The following WASF3 variants were observed in gnomAD, a reference collection of about 807,000 sequenced individuals.
WASF3 encodes WASP family member 3, also known as actin-binding protein WASF3.
Under a neutral mutation model 46.6 loss-of-function variants are expected in WASF3, and 11 were observed. That is an observed-to-expected ratio of 0.24 (90% CI 0.15 to 0.39). The LOEUF (loss-of-function observed/expected upper bound fraction) is 0.39, where lower values mean the gene tolerates loss of function less well. Among genes scored for constraint, WASF3 ranks in the 10% least tolerant of loss-of-function variants. WASF3 has a pLI of 1.00. For synonymous variants in WASF3, 242 were observed against 259.7 expected (o/e 0.93, Z 0.65); for missense variants, 576 against 669.8 (o/e 0.86, Z 1.55).
In WASF3 at chr13:26,661,338, T is replaced by C. The variant is rs1882624620; in HGVS notation, c.134-3690T>C. 2.0e-5 allele frequency among the ~76,000 whole-genome samples: 3 copies of C among 152,346 alleles called. No homozygotes were observed. In the South Asian group the frequency reaches 6.2e-4, roughly 32 times the overall value. ...TCCTGTCTCTATGAAATGGACTACT[T>C]TACATGCCTCATATAAGTGGAATCG... On this transcript the variant is annotated intron_variant, in intron 3 of 9. Transcript: ENST00000335327.
intron 1 of WASF3, among the ~76,000 whole-genome samples, chr13:26,606,219 CT>C (rs1880791403): frequency 6.6e-6 from 1 of 152,286 alleles, no homozygotes; most frequent in East Asian, 1.9e-4. Flanking sequence ...TTTCTGTAGC[CT>C]CACAGGAGAC....
rs555019551 is a variant in WASF3, at chr13:26,678,184, G to A, written c.716+1460G>A. Among the ~76,000 whole-genome samples the A allele has an allele frequency of 2.0e-5, 3 of 152,010 alleles. 1 individual carries two copies. Among genetic ancestry groups the A allele is most frequent in the South Asian group, 4.2e-4 (2 of 4,812 alleles). The stretch of plus-strand genomic sequence containing the variant: ...TATTTCCCATGGCTTCTTACTATTT[G>A]CATACATTATTTACTATCAGATAAA... On this transcript the variant is annotated intron_variant, in intron 7 of 9. Transcript: ENST00000335327.
chr13:26,609,630 A>G, intron 1 of WASF3: 1 of 151,992 alleles, frequency 6.6e-6, no homozygotes, highest in South Asian at 2.1e-4. Flanking sequence ...TAGTAGTAGT[A>G]GTTTAATACT....
upstream of WASF3, among the ~76,000 whole-genome samples, chr13:26,553,603 G>C (rs1362743304): frequency 1.3e-5 from 2 of 152,056 alleles, no homozygotes. Flanking sequence ...GGATCATGAG[G>C]TCAGGAGATC....
intron 4 of WASF3, among the ~76,000 whole-genome samples, chr13:26,666,067 A>C (rs1299540948): frequency 1.3e-5 from 2 of 152,192 alleles, no homozygotes; most frequent in African/African-American, 4.8e-5. Flanking sequence ...CATTTAAAAA[A>C]TATATGTTAT....
At chr13:26,598,830 C>T (rs1175298702) in intron 1 of WASF3, among the ~76,000 whole-genome samples, 1 of 152,152 alleles carries the variant, frequency 6.6e-6, no homozygotes, top group Non-Finnish European at 1.5e-5. Context: ...CTTTCAGCTC[C>T]TCAGAAGGTA....
In WASF3 at chr13:26,665,140, G is replaced by C; in HGVS notation, c.246G>C (p.Gln82His). ...RIDRLAVKVT[Q>H]LDSTVEEVSL... ...ATCGCCTTGCTGTCAAAGTCACCCA[G>C]CTGGATTCAACAGTGGAAGAGGGTA... is the stretch of plus-strand genomic sequence containing the variant. The change falls in exon 4 of 10, where the codon CAG (glutamine) becomes CAC (histidine). Residue 82 changes from glutamine to histidine, a missense_variant. Physicochemically the swap from Gln to His is conservative, Grantham distance 24. Around this residue, in one of 3 missense-constraint regions of WASF3, gnomAD observed 213 missense variants for 278.0 expected, o/e 0.77. Coordinates refer to ENST00000335327, the MANE Select transcript of WASF3 (RefSeq NM_006646.6). The C allele has an allele frequency of 1.2e-6, 2 of 1,613,990 alleles. No homozygotes were observed. Among genetic ancestry groups the C allele is most frequent in the Non-Finnish European group, 1.7e-6 (2 of 1,179,992 alleles).
chr13:26,618,560 T>G (rs2137236313), intron 2 of WASF3, among the ~76,000 whole-genome samples: 1 of 149,926 alleles, frequency 6.7e-6, no homozygotes, highest in African/African-American at 2.4e-5. Flanking sequence ...CATACTGTAA[T>G]TATGAACTTT....
At chr13:26,574,697 A>G (rs925577874) in intron 1 of WASF3, among the ~76,000 whole-genome samples, 1 of 152,020 alleles carries the variant, frequency 6.6e-6, no homozygotes, top group Admixed American at 6.6e-5. Flanking sequence ...TACTGTCTGT[A>G]TTTTGGTATA....
chr13:26,613,609 A>AC (rs989572525), intron 2 of WASF3, among the ~76,000 whole-genome samples: 5 of 152,130 alleles, frequency 3.3e-5, no homozygotes, highest in African/African-American at 9.7e-5. Flanking sequence ...CTCTACTAAA[A>AC]ACACACAACA....
At chr13:26,606,931 A>C (rs570956849) in intron 1 of WASF3, 1 of 152,304 alleles carries the variant, frequency 6.6e-6, no homozygotes, top group South Asian at 2.1e-4. Flanking sequence ...CACATGAGAG[A>C]GAGACCACAT....
In WASF3 at chr13:26,605,149, A is replaced by G. The variant is rs149820929; in HGVS notation, c.-108-7812A>G. ...CTCAGTCTGCCTTTGAGTATTGCTAAAGAAAACTGCTTAATGATGCCCTTG... is the reference window on the plus strand; with the variant it reads ...CTCAGTCTGCCTTTGAGTATTGCTAGAGAAAACTGCTTAATGATGCCCTTG... On this transcript the variant is annotated intron_variant, in intron 1 of 9. Coordinates refer to ENST00000335327, the MANE Select transcript of WASF3 (RefSeq NM_006646.6). Among the ~76,000 whole-genome samples the G allele has an allele frequency of 3.3e-5, 5 of 152,208 alleles. No homozygotes were observed. In the East Asian group the frequency reaches 9.7e-4, roughly 29 times the overall value.
chr13:26,642,140 C>A, intron 2 of WASF3, 121 bp from the exon 3 acceptor site: 1 of 1,109,450 alleles, frequency 9.0e-7, no homozygotes, highest in Non-Finnish European at 1.2e-6. Context: ...CTGATTCTGT[C>A]ACATAGAAAT....
chr13:26,648,389 C>T (rs1882212891), intron 3 of WASF3, among the ~76,000 whole-genome samples: 1 of 152,136 alleles, frequency 6.6e-6, no homozygotes, highest in South Asian at 2.1e-4. Context: ...TCCCAGTCAA[C>T]CAAATGCACT....
At chr13:26,564,777 G>A (rs1197814706) in intron 1 of WASF3, among the ~76,000 whole-genome samples, 3 of 152,078 alleles carry the variant, frequency 2.0e-5, no homozygotes, top group Non-Finnish European at 4.4e-5. Context: ...TTTGATTCAT[G>A]GTTATATAAT....
chr13:26,607,885 C>G (rs6491140), intron 1 of WASF3, among the ~76,000 whole-genome samples: 81,255 of 151,880 alleles, frequency 0.53, 22,072 homozygotes, highest in Non-Finnish European at 0.57. Flanking sequence ...ATAATCCTAC[C>G]TAGGCCTCTC....
intron 3 of WASF3, among the ~76,000 whole-genome samples, chr13:26,651,260 A>G (rs1261795182): frequency 6.6e-6 from 1 of 152,112 alleles, no homozygotes; most frequent in Non-Finnish European, 1.5e-5. Context: ...GGCAGAAGTT[A>G]TAGTGAGCTG....
chr13:26,600,943 AT>A (rs1408311623), intron 1 of WASF3, among the ~76,000 whole-genome samples: 1 of 152,244 alleles, frequency 6.6e-6, no homozygotes, highest in East Asian at 1.9e-4. Flanking sequence ...ATGATTAGCA[AT>A]TTGGTTCTCT....
In WASF3 at chr13:26,576,967, A is replaced by G. The variant is rs1290433059; in HGVS notation, c.-109+19148A>G. 32 of 729,222 alleles carry G rather than the reference A, an allele frequency of 4.4e-5. No individual in the cohort carries two copies. In the East Asian group the frequency reaches 7.5e-4, roughly 17 times the overall value. The allele number at this position is 729,222 out of a possible 1,614,324, so 45.2% of individuals were successfully genotyped here. On this transcript the variant is annotated intron_variant, in intron 1 of 9. Transcript: ENST00000335327. ...GAAAGTGGTTGATCCATTTTCTAAG[A>G]AAGAGTGGTATGATGTGAAAGCACC...
Sources: gnomAD v4.1 joint callset for allele counts (sites outside exome capture counted in the v4.1 genomes callset) on GRCh38, gnomAD v4.1.1 for gene constraint, gnomAD v4.1.1 regional missense constraint, MANE v1.5 for transcripts, NCBI Gene and HGNC (gene_info 2026-07-23, HGNC 2026-07-21) for gene names.